MYO5A: variants seen among roughly 807,000 people sequenced by gnomAD.
The protein encoded by MYO5A is unconventional myosin-Va.
Under a neutral mutation model 249.7 loss-of-function variants are expected in MYO5A, and 98 were observed. The ratio of observed to expected loss-of-function variants is 0.39; its 90% CI spans 0.33 to 0.46. The LOEUF (loss-of-function observed/expected upper bound fraction) is 0.46, where lower values mean the gene tolerates loss of function less well. MYO5A is among the 20% of genes least tolerant of loss of function. The pLI is 0.98. For missense variants in MYO5A, 1,696 were observed against 2,308.8 expected (o/e 0.73, Z 5.44); for synonymous variants, 778 against 810.6 (o/e 0.96, Z 0.68).
chr15:52,375,442 G>A lies in MYO5A; in HGVS notation c.2439C>T (p.Arg813=). The A allele has an allele frequency of 6.2e-7, 1 of 1,614,140 alleles. No homozygotes were observed. The highest frequency in any genetic ancestry group is 8.5e-7 in the Non-Finnish European group (1 of 1,180,010). ...YQARCYAKFL[R]RTKAATIIQK... is the part of the protein sequence containing the mutation. The stretch of plus-strand genomic sequence containing the variant: ...GAATGATGGTTGCTGCCTTGGTTCT[G>A]CGCAGAAACTTAGCATAGCTGGCCA... Residue 813 remains arginine, a synonymous_variant, in exon 20 of 42, where the codon CGC becomes CGT. Coordinates refer to ENST00000399233, the MANE Select transcript of MYO5A (RefSeq NM_001382347.1).
intron 3 of MYO5A, among the ~76,000 whole-genome samples, chr15:52,427,138 T>C (rs1039878392): frequency 6.8e-5 from 10 of 147,648 alleles, no homozygotes; most frequent in Non-Finnish European, 1.4e-4. Context: ...TAATTGTTTT[T>C]CCTTTTTTTA....
chr15:52,445,843 A>C (rs1254750595), intron 1 of MYO5A, among the ~76,000 whole-genome samples: 2 of 152,210 alleles, frequency 1.3e-5, no homozygotes. Flanking sequence ...GGCAGAAGAA[A>C]TTTCAAGGCA....
intron 18 of MYO5A, among the ~76,000 whole-genome samples, chr15:52,378,502 A>C (rs1162647652): frequency 1.5e-5 from 2 of 137,156 alleles, no homozygotes; most frequent in Non-Finnish European, 3.0e-5. Context: ...TGGGTGAAAG[A>C]GCAAGACTGT....
chr15:52,503,985 T>A (rs2077209357), intron 1 of MYO5A, among the ~76,000 whole-genome samples: 1 of 151,312 alleles, frequency 6.6e-6, no homozygotes. Flanking sequence ...AACCCTAAGT[T>A]GAAGGAGCTT....
intron 1 of MYO5A, among the ~76,000 whole-genome samples, chr15:52,466,647 C>A (rs2076359952): frequency 6.6e-6 from 1 of 152,156 alleles, no homozygotes. Flanking sequence ...CAGCCCTAAC[C>A]CAGGTATTTT....
intron 9 of MYO5A, among the ~76,000 whole-genome samples, chr15:52,398,685 G>C (rs771743299): frequency 6.6e-6 from 1 of 152,022 alleles, no homozygotes; most frequent in Admixed American, 6.6e-5. Flanking sequence ...TTTAGAATTC[G>C]GCATCATTTA....
intron 5 of MYO5A, among the ~76,000 whole-genome samples, chr15:52,413,402 T>C (rs1341572390): frequency 1.3e-5 from 2 of 152,108 alleles, no homozygotes; most frequent in African/African-American, 4.8e-5. Flanking sequence ...ATAGAATAAT[T>C]ATCTGTACAT....
At chr15:52,421,810 G>A (rs751719055) in intron 4 of MYO5A, among the ~76,000 whole-genome samples, 30 of 152,198 alleles carry the variant, frequency 2.0e-4, no homozygotes, top group Non-Finnish European at 3.8e-4. Flanking sequence ...ATAAAACGGA[G>A]ACTCAGGGAG....
chr15:52,483,348 G>A lies in MYO5A; in HGVS notation c.27+45432C>T, dbSNP rs953009153. ...TGGATCATTTGGTTTCTTAGCAGGG[G>A]CCCCAGGTCAACAGGGAGAGTGAGG... On this transcript the variant is annotated intron_variant, in intron 1 of 41. Coordinates refer to ENST00000399233, the MANE Select transcript of MYO5A (RefSeq NM_001382347.1). Among the ~76,000 whole-genome samples the A allele has an allele frequency of 1.7e-4, 26 of 152,112 alleles. 1 individual carries two copies. Among genetic ancestry groups the A allele is most frequent in the Admixed American group, 1.2e-3 (19 of 15,278 alleles).
chr15:52,369,622 A>G (rs1567059262), intron 22 of MYO5A, among the ~76,000 whole-genome samples: 1 of 152,164 alleles, frequency 6.6e-6, no homozygotes, highest in Non-Finnish European at 1.5e-5. Context: ...GCCTTAATGC[A>G]GGCTTCAACA....
In MYO5A at chr15:52,308,526, A is replaced by G. The variant is rs1012916493; in HGVS notation, c.*5170T>C. The G allele has an allele frequency of 4.1e-4, 63 of 152,220 alleles. No individual in the cohort carries two copies. The highest frequency in any genetic ancestry group is 1.4e-3 in the African/African-American group (60 of 41,456). 9.4% of individuals were successfully genotyped at this position (152,220 alleles called of 1,614,324 possible). A position where few individuals can be genotyped will look rare whatever the true frequency, so the allele number is the denominator to read the frequency against. ...ATTACCAAGAATCTAACTTATCTCC[A>G]TAATTTCTTTCATATATTCATTTGC... On this transcript the variant is annotated 3_prime_UTR_variant, in exon 42 of 42. Transcript: ENST00000399233.
intron 37 of MYO5A, 78 bp from the exon 38 acceptor site, chr15:52,321,587 C>T: frequency 6.7e-7 from 1 of 1,485,832 alleles, no homozygotes; most frequent in South Asian, 1.1e-5. Flanking sequence ...ATTTGATCAG[C>T]ATCTTCATGC....
intron 39 of MYO5A, among the ~76,000 whole-genome samples, chr15:52,317,706 G>T (rs2140917334): frequency 6.6e-6 from 1 of 152,272 alleles, no homozygotes; most frequent in East Asian, 1.9e-4. Flanking sequence ...AAGCCTTAAG[G>T]GAAGAGCCTA....
At chr15:52,458,399 G>C (rs2076163584) in intron 1 of MYO5A, among the ~76,000 whole-genome samples, 1 of 152,054 alleles carries the variant, frequency 6.6e-6, no homozygotes, top group Non-Finnish European at 1.5e-5. Flanking sequence ...TGGTGACATG[G>C]TGAAACCCTG....
At chr15:52,390,567 T>C (rs916212191) in intron 12 of MYO5A, among the ~76,000 whole-genome samples, 2 of 150,300 alleles carry the variant, frequency 1.3e-5, no homozygotes, top group African/African-American at 2.4e-5. Context: ...TTTCTTTTTT[T>C]TTTTTTTTTG....
At chr15:52,425,756 T>C in intron 4 of MYO5A, 74 bp downstream of exon 4, 1 of 1,539,692 alleles carries the variant, frequency 6.5e-7, no homozygotes, top group Non-Finnish European at 9.0e-7. Flanking sequence ...CACTTTAAAA[T>C]ATATGTGACT....
At position 52,311,537 on chromosome 15, in the gene MYO5A, G is replaced by A; in HGVS notation, c.*2159C>T. 1 of 152,282 alleles carries A rather than the reference G, an allele frequency of 6.6e-6. No individual in the cohort carries two copies. Among genetic ancestry groups the A allele is most frequent in the South Asian group, 2.1e-4 (1 of 4,826 alleles). The allele number at this position is 152,282 out of a possible 1,614,324, so 9.4% of individuals were successfully genotyped here. A position where few individuals can be genotyped will look rare whatever the true frequency, so the allele number is the denominator to read the frequency against. ...CAAACTGAATAAAGCAATACATGATGTAATAAAAATTACTTAAACTAATTA... is the reference window on the plus strand; with the variant it reads ...CAAACTGAATAAAGCAATACATGATATAATAAAAATTACTTAAACTAATTA... On this transcript the variant is annotated 3_prime_UTR_variant, in exon 42 of 42. Transcript: ENST00000399233.
In MYO5A at chr15:52,323,406, G is replaced by C. The variant is rs751285399; in HGVS notation, c.4749C>G (p.Leu1583=). 15 of 1,613,798 alleles carry C rather than the reference G, an allele frequency of 9.3e-6. 1 individual carries two copies. In the South Asian group the frequency reaches 1.1e-4, roughly 12 times the overall value. ...GDDFETVSFW[L]SNTCRFLHCL... ...AGTGCAAAAATCGGCATGTGTTAGA[G>C]AGCCAGAAGGAGACGGTTTCAAAAT... Residue 1583 remains leucine, a synonymous_variant, in exon 37 of 42, where the codon CTC becomes CTG. Transcript: ENST00000399233.
At chr15:52,500,415 C>T (rs1050565255) in intron 1 of MYO5A, among the ~76,000 whole-genome samples, 1 of 150,098 alleles carries the variant, frequency 6.7e-6, no homozygotes, top group Non-Finnish European at 1.5e-5. Flanking sequence ...AGCACGATCT[C>T]AGCTCACTGC....
Sources: allele counts gnomAD v4.1 joint callset (sites outside exome capture counted in the v4.1 genomes callset), GRCh38; gene constraint gnomAD v4.1.1; transcripts MANE v1.5; gene names NCBI Gene and HGNC (gene_info 2026-07-23, HGNC 2026-07-21).